The following BAZ2B variants were observed in gnomAD, a reference collection of about 807,000 sequenced individuals.
The protein encoded by BAZ2B is bromodomain adjacent to zinc finger domain protein 2B.
BAZ2B carries 91 observed loss-of-function variants against 246.0 expected under a neutral mutation model. That is an observed-to-expected ratio of 0.37 (90% CI 0.31 to 0.44). BAZ2B has a LOEUF of 0.44. Among genes scored for constraint, BAZ2B ranks in the 20% least tolerant of loss-of-function variants. The probability of loss-of-function intolerance (pLI) is 1.00; values close to 1 mark genes in which losing one functional copy is unlikely to be tolerated. For synonymous variants in BAZ2B, 855 were observed against 860.0 expected (o/e 0.99, Z 0.10); for missense variants, 2,332 against 2,533.7 (o/e 0.92, Z 1.71).
intron 2 of BAZ2B, among the ~76,000 whole-genome samples, chr2:159,491,556 T>C (rs1186238103): frequency 6.7e-6 from 1 of 149,042 alleles, no homozygotes; most frequent in Non-Finnish European, 1.5e-5. Context: ...CCGTCTCTAC[T>C]AAAAATACAA....
intron 24 of BAZ2B, 98 bp from the exon 25 acceptor site, chr2:159,382,900 C>T (rs1183520086): frequency 6.9e-7 from 1 of 1,449,792 alleles, no homozygotes; most frequent in East Asian, 2.3e-5. Flanking sequence ...TACCTTATGG[C>T]ATTTCTTTTG....
chr2:159,400,866 T>C (rs374658571), intron 16 of BAZ2B, among the ~76,000 whole-genome samples: 413 of 151,968 alleles, frequency 2.7e-3, no homozygotes, highest in East Asian at 8.0e-3. Flanking sequence ...CAGTGAAACC[T>C]CGTCTCTACT....
chr2:159,497,449 C>A (rs926368379), intron 2 of BAZ2B, among the ~76,000 whole-genome samples: 3 of 152,172 alleles, frequency 2.0e-5, no homozygotes, highest in Admixed American at 2.0e-4. Context: ...TTGAGGAAAT[C>A]CTTGTCTCTT....
chr2:159,401,447 T>C (rs917249720), intron 16 of BAZ2B, among the ~76,000 whole-genome samples: 4 of 152,300 alleles, frequency 2.6e-5, no homozygotes, highest in African/African-American at 9.6e-5. Context: ...TTAAATAAAA[T>C]GCTTTAAAAA....
upstream of BAZ2B, among the ~76,000 whole-genome samples, chr2:159,619,663 TA>T (rs1014246874): frequency 1.2e-4 from 18 of 150,702 alleles, no homozygotes; most frequent in Non-Finnish European, 1.3e-4. Flanking sequence ...TGATTCTTCT[TA>T]AAAAAAAATG....
At chr2:159,450,787 T>C (rs2150424014) in intron 4 of BAZ2B, among the ~76,000 whole-genome samples, 1 of 151,754 alleles carries the variant, frequency 6.6e-6, no homozygotes, top group South Asian at 2.1e-4. Flanking sequence ...TCGCCCAGGC[T>C]GGAGTGCAGT....
In BAZ2B at chr2:159,394,996, C is replaced by T. The variant is rs116185485; in HGVS notation, c.3075+773G>A. On this transcript the variant is annotated intron_variant, in intron 20 of 36. Transcript: ENST00000392783. ...AAACCAAAATACTGAAATACAGCCTCCCAGCTTCTAGATCAAACAGTGTCA... is the reference window on the plus strand; with the variant it reads ...AAACCAAAATACTGAAATACAGCCTTCCAGCTTCTAGATCAAACAGTGTCA... Among the ~76,000 whole-genome samples, 1,519 of 152,254 alleles carry T rather than the reference C, an allele frequency of 1.0e-2. 18 individuals are homozygous for T. The highest frequency in any genetic ancestry group is 0.017 in the Non-Finnish European group (1,165 of 68,010).
chr2:159,359,407 A>G (rs886191475), intron 27 of BAZ2B, among the ~76,000 whole-genome samples: 3 of 152,208 alleles, frequency 2.0e-5, no homozygotes, highest in African/African-American at 7.2e-5. Context: ...CTAAATCAGG[A>G]AGAAGTCCAA....
intron 33 of BAZ2B, 164 bp from the exon 34 acceptor site, chr2:159,332,850 T>C (rs2065008850): frequency 3.9e-6 from 3 of 765,672 alleles, no homozygotes; most frequent in Non-Finnish European, 6.1e-6. Context: ...GTTACACAGA[T>C]ATGGACCACA....
At chr2:159,477,453 A>C (rs956579108) in intron 3 of BAZ2B, among the ~76,000 whole-genome samples, 12 of 152,052 alleles carry the variant, frequency 7.9e-5, no homozygotes, top group Non-Finnish European at 1.8e-4. Context: ...TAATGACAGA[A>C]TGACATCCTT....
intron 2 of BAZ2B, among the ~76,000 whole-genome samples, chr2:159,494,665 G>A (rs1386233860): frequency 6.6e-6 from 1 of 152,136 alleles, no homozygotes; most frequent in Non-Finnish European, 1.5e-5. Flanking sequence ...CACCTGGAAT[G>A]CCACCTAAAT....
At chr2:159,564,442 T>C (rs1559785801) in intron 1 of BAZ2B, among the ~76,000 whole-genome samples, 2 of 152,316 alleles carry the variant, frequency 1.3e-5, no homozygotes, top group African/African-American at 4.8e-5. Context: ...GTATATGGAA[T>C]GATCTTGGGG....
chr2:159,347,734 G>A (rs1462248222), intron 30 of BAZ2B, 88 bp from the exon 31 acceptor site: 1 of 1,138,082 alleles, frequency 8.8e-7, no homozygotes, highest in Non-Finnish European at 1.2e-6. Context: ...AAAATTCTAG[G>A]AGACCCATGT....
upstream of BAZ2B, among the ~76,000 whole-genome samples, chr2:159,618,681 T>C: frequency 6.6e-6 from 1 of 152,142 alleles, no homozygotes; most frequent in Non-Finnish European, 1.5e-5. Flanking sequence ...TGAATATTAA[T>C]GTTTTAACAA....
At chr2:159,535,120 A>AAAGATATAATACAC (rs1559715933) in intron 2 of BAZ2B, among the ~76,000 whole-genome samples, 4,647 of 152,164 alleles carry the variant, frequency 0.031, 240 homozygotes, top group African/African-American at 0.11. Flanking sequence ...AGATATAATT[A>AAAGATATAATACAC]AATTGGCAAG....
chr2:159,432,774 G>T lies in BAZ2B; in HGVS notation c.1883C>A (p.Ser628Tyr), dbSNP rs763874231. The T allele has an allele frequency of 5.0e-6, 8 of 1,612,170 alleles. 1 individual carries two copies. The South Asian group carries it at 8.8e-5, about 18-fold the overall frequency. ...AAAATAACCTGATTGGCTGTCATCA[G>T]ATTCATCATCTTCATCATCTTCCTC... Reference protein sequence around the residue: ...EDEEDDEDDESDDSQSESDSN... With the variant: ...EDEEDDEDDEYDDSQSESDSN... Residue 628 changes from serine (S) to tyrosine (Y), a missense_variant, in exon 9 of 37, where the codon TCT becomes TAT. Around this residue, in one of 9 missense-constraint regions of BAZ2B, gnomAD observed 651 missense variants for 650.9 expected, o/e 1.00. Transcript: ENST00000392783.
chr2:159,629,183 G>A, the BAZ2B span, among the ~76,000 whole-genome samples: 3 of 152,178 alleles, frequency 2.0e-5, no homozygotes, highest in African/African-American at 7.2e-5. Flanking sequence ...AACAGATGCT[G>A]GGGAGAATGT....
chr2:159,578,400 C>T (rs1685874902), intron 1 of BAZ2B, among the ~76,000 whole-genome samples: 1 of 152,088 alleles, frequency 6.6e-6, no homozygotes, highest in Admixed American at 6.6e-5. Flanking sequence ...TTTTGGAGAT[C>T]CATAATGCAG....
chr2:159,451,267 AC>A (rs1477515288), intron 4 of BAZ2B, among the ~76,000 whole-genome samples: 7 of 152,200 alleles, frequency 4.6e-5, no homozygotes, highest in Admixed American at 6.5e-5. Context: ...TTATGCTAAT[AC>A]CCATTAAATA....
Sources: allele counts gnomAD v4.1 joint callset (sites outside exome capture counted in the v4.1 genomes callset), GRCh38; gene constraint gnomAD v4.1.1; regional missense constraint gnomAD v4.1.1; transcripts MANE v1.5; gene names NCBI Gene and HGNC (gene_info 2026-07-23, HGNC 2026-07-21).